Variants in DOK6 observed in about 807,000 individuals in gnomAD.
DOK6 encodes the protein docking protein 6, also known as downstream of tyrosine kinase 6.
In DOK6, 22 loss-of-function variants were observed where a neutral mutation model predicts 44.0. The observed-to-expected ratio is 0.50, with a 90% CI of 0.36 to 0.71. The LOEUF is 0.71. DOK6 is among the 30% of genes least tolerant of loss of function. The pLI is 0.00. For synonymous variants in DOK6, 166 were observed against 145.5 expected (o/e 1.14, Z -1.01); for missense variants, 340 against 416.4 (o/e 0.82, Z 1.60).
chr18:69,683,524 T>C (rs1419980931), intron 4 of DOK6, among the ~76,000 whole-genome samples: 1 of 152,082 alleles, frequency 6.6e-6, no homozygotes. Context: ...TATGGACAAG[T>C]GAAGATGATG....
chr18:69,633,677 A>G (rs1417979490), intron 3 of DOK6, among the ~76,000 whole-genome samples: 1 of 152,222 alleles, frequency 6.6e-6, no homozygotes, highest in Non-Finnish European at 1.5e-5. Context: ...CTTATGAAAC[A>G]GAAGTTTACT....
chr18:69,575,519 A>G (rs1346290414), intron 2 of DOK6, among the ~76,000 whole-genome samples: 2 of 152,084 alleles, frequency 1.3e-5, no homozygotes, highest in Admixed American at 6.6e-5. Context: ...CATCCGTGGT[A>G]TTTCACAGGT....
chr18:69,813,950 G>A (rs534229608), intron 7 of DOK6, among the ~76,000 whole-genome samples: 8 of 152,080 alleles, frequency 5.3e-5, no homozygotes, highest in Admixed American at 3.3e-4. Context: ...AAAATATTAT[G>A]AAACTTAAAA....
intron 6 of DOK6, among the ~76,000 whole-genome samples, chr18:69,749,569 G>C (rs1490328500): frequency 6.6e-6 from 1 of 152,090 alleles, no homozygotes; most frequent in Non-Finnish European, 1.5e-5. Context: ...CAAAGCTTCA[G>C]CATCCTCTCA....
chr18:69,431,135 G>T (rs910920312), intron 1 of DOK6, among the ~76,000 whole-genome samples: 4 of 152,298 alleles, frequency 2.6e-5, no homozygotes, highest in Admixed American at 2.6e-4. Context: ...CTAAGGAAAA[G>T]AGATAGTTAT....
At chr18:69,569,699 A>G (rs998334156) in intron 2 of DOK6, among the ~76,000 whole-genome samples, 1 of 152,218 alleles carries the variant, frequency 6.6e-6, no homozygotes, top group Admixed American at 6.5e-5. Context: ...TTGGCAGAAA[A>G]ACAAAAATTA....
At chr18:69,581,893 T>G (rs181265455) in intron 2 of DOK6, among the ~76,000 whole-genome samples, 1 of 152,286 alleles carries the variant, frequency 6.6e-6, no homozygotes, top group Admixed American at 6.5e-5. Context: ...GCAGCAGTCA[T>G]TTTGTGGCCA....
At chr18:69,828,712 G>C (rs1302381287) in intron 7 of DOK6, among the ~76,000 whole-genome samples, 7 of 150,764 alleles carry the variant, frequency 4.6e-5, no homozygotes, top group Admixed American at 3.3e-4. Flanking sequence ...TTTTATAACT[G>C]TGGGCTGAGC....
At chr18:69,805,822 C>T (rs368503477) in intron 7 of DOK6, among the ~76,000 whole-genome samples, 6 of 152,064 alleles carry the variant, frequency 3.9e-5, no homozygotes, top group South Asian at 2.1e-4. Flanking sequence ...TCTTGTGGTA[C>T]GAGTATACAA....
intron 7 of DOK6, among the ~76,000 whole-genome samples, chr18:69,801,311 A>T (rs893812375): frequency 6.6e-6 from 1 of 152,178 alleles, no homozygotes; most frequent in African/African-American, 2.4e-5. Flanking sequence ...ATTGTCAGGC[A>T]TCTAGGTTGT....
intron 2 of DOK6, among the ~76,000 whole-genome samples, chr18:69,586,846 A>C (rs1475626717): frequency 1.3e-5 from 2 of 152,184 alleles, no homozygotes; most frequent in Non-Finnish European, 2.9e-5. Flanking sequence ...CAGGCTGCCC[A>C]TCAATCACCT....
At chr18:69,623,630 G>A (rs141350871) in intron 3 of DOK6, among the ~76,000 whole-genome samples, 343 of 152,202 alleles carry the variant, frequency 2.3e-3, no homozygotes, top group African/African-American at 7.5e-3. Context: ...GCTCTAAGAC[G>A]CTGGGCAAAC....
intron 1 of DOK6, among the ~76,000 whole-genome samples, chr18:69,413,058 G>T (rs906414984): frequency 6.6e-6 from 1 of 152,096 alleles, no homozygotes; most frequent in African/African-American, 2.4e-5. Flanking sequence ...TAACTTTAGA[G>T]AATATTTATG....
chr18:69,646,481 T>C (rs572113153), intron 3 of DOK6, among the ~76,000 whole-genome samples: 2 of 152,318 alleles, frequency 1.3e-5, no homozygotes, highest in African/African-American at 2.4e-5. Flanking sequence ...TGTTAGTACA[T>C]TGATTTTTAT....
chr18:69,401,179 C>T lies in DOK6; in HGVS notation c.-66C>T, dbSNP rs1344469512. 2.8e-5 allele frequency: 42 copies of T among 1,473,992 alleles called. No individual in the cohort carries two copies. The highest frequency in any genetic ancestry group is 3.7e-5 in the Non-Finnish European group (41 of 1,107,600). The allele number at this position is 1,473,992 out of a possible 1,614,324, so 91.3% of individuals were successfully genotyped here. A position where few individuals can be genotyped will look rare whatever the true frequency, so the allele number is the denominator to read the frequency against. On this transcript the variant is annotated 5_prime_UTR_variant, in exon 1 of 8. Coordinates refer to ENST00000382713, the MANE Select transcript of DOK6 (RefSeq NM_152721.6). ...GGATGCGAGACCCGCGCAGACCCGGCGGCGGACGGCGGCTCTCGACTCCGG... is the reference window on the plus strand; with the variant it reads ...GGATGCGAGACCCGCGCAGACCCGGTGGCGGACGGCGGCTCTCGACTCCGG...
chr18:69,803,837 C>CA (rs1425454725), intron 7 of DOK6, among the ~76,000 whole-genome samples: 3 of 152,032 alleles, frequency 2.0e-5, no homozygotes, highest in Non-Finnish European at 2.9e-5. Context: ...CCAGCCTGGG[C>CA]ACAGAGCAAG....
At chr18:69,489,495 T>C (rs1394484306) in intron 1 of DOK6, among the ~76,000 whole-genome samples, 1 of 152,072 alleles carries the variant, frequency 6.6e-6, no homozygotes. Context: ...ACCATGGAAA[T>C]TGACGGTACT....
At chr18:69,464,319 T>C (rs546337077) in intron 1 of DOK6, among the ~76,000 whole-genome samples, 9 of 152,218 alleles carry the variant, frequency 5.9e-5, no homozygotes, top group Non-Finnish European at 1.2e-4. Context: ...TCTGGGGAGA[T>C]TGTAAACAGT....
intron 7 of DOK6, among the ~76,000 whole-genome samples, chr18:69,794,215 C>T (rs182834435): frequency 1.1e-3 from 170 of 152,234 alleles, no homozygotes; most frequent in African/African-American, 4.0e-3. Flanking sequence ...TCCCAAGCAT[C>T]CCCAGTACTG....
Sources: gnomAD v4.1 joint callset for allele counts (sites outside exome capture counted in the v4.1 genomes callset) on GRCh38, gnomAD v4.1.1 for gene constraint, MANE v1.5 for transcripts, NCBI Gene and HGNC (gene_info 2026-07-23, HGNC 2026-07-21) for gene names.